Variants in EYA4 observed in about 807,000 individuals in gnomAD.
EYA4 encodes EYA transcriptional coactivator and phosphatase 4, also known as protein phosphatase EYA4.
EYA4 carries 31 observed loss-of-function variants against 87.9 expected under a neutral mutation model. The observed-to-expected ratio is 0.35, with a 90% CI of 0.27 to 0.48. The LOEUF (loss-of-function observed/expected upper bound fraction) is 0.48. Ranked by LOEUF, EYA4 falls within the 20% of genes least tolerant of loss-of-function variation. The pLI is 0.99. For synonymous variants in EYA4, 263 were observed against 270.6 expected (o/e 0.97, Z 0.28); for missense variants, 678 against 761.4 (o/e 0.89, Z 1.29).
At chr6:133,335,107 G>T (rs73559603) in intron 2 of EYA4, among the ~76,000 whole-genome samples, 2,189 of 152,222 alleles carry the variant, frequency 0.014, 55 homozygotes, top group African/African-American at 0.049. Context: ...CCTGGAAGAG[G>T]CCTTTTTGCA....
At chr6:133,431,751 G>C (rs1050222060) in intron 3 of EYA4, among the ~76,000 whole-genome samples, 2 of 152,158 alleles carry the variant, frequency 1.3e-5, no homozygotes, top group Non-Finnish European at 2.9e-5. Flanking sequence ...TTTAGGAACT[G>C]TTGGAGTGCT....
intron 18 of EYA4, among the ~76,000 whole-genome samples, chr6:133,524,501 G>T (rs1197457158): frequency 1.3e-5 from 2 of 152,188 alleles, no homozygotes; most frequent in Non-Finnish European, 2.9e-5. Context: ...GGATACCAGT[G>T]TTGTCAGTAC....
At chr6:133,284,573 C>G (rs561704092) in intron 2 of EYA4, among the ~76,000 whole-genome samples, 1 of 152,302 alleles carries the variant, frequency 6.6e-6, no homozygotes, top group South Asian at 2.1e-4. Context: ...TTCAAGACTT[C>G]TTGCTATCCT....
In EYA4 at chr6:133,462,744, C is replaced by T. The variant is rs765608642; in HGVS notation, c.704C>T (p.Pro235Leu). 5.6e-6 allele frequency: 9 copies of T among 1,613,718 alleles called. No individual in the cohort carries two copies. The highest frequency in any genetic ancestry group is 5.3e-5 in the African/African-American group (4 of 74,868). The part of the protein sequence containing the change: ...GFSTPQPGQT[P>L]YSYQMPGSSF... The stretch of plus-strand genomic sequence containing the variant: ...TCTACCCCACAGCCAGGCCAGACAC[C>T]TTATTCTTACCAAATGCCAGGTAAG... The change falls in exon 9 of 20, where the codon CCT becomes CTT. Residue 235 changes from proline to leucine, a missense_variant. Pro to Leu is a moderately conservative substitution (Grantham distance 98). Coordinates refer to ENST00000355286, the MANE Select transcript of EYA4 (RefSeq NM_004100.5).
chr6:133,243,381 C>CTCA (rs913276842), intron 1 of EYA4, among the ~76,000 whole-genome samples: 6 of 152,148 alleles, frequency 3.9e-5, no homozygotes, highest in African/African-American at 1.4e-4. Context: ...TGTTCCTCTT[C>CTCA]TCATCTGTGG....
At chr6:133,407,973 G>A (rs2128530866) in intron 3 of EYA4, among the ~76,000 whole-genome samples, 2 of 152,234 alleles carry the variant, frequency 1.3e-5, no homozygotes, top group Middle Eastern at 3.4e-3. Context: ...AAGGAAACCT[G>A]ACTTACATTA....
intron 3 of EYA4, 67 bp from the exon 4 acceptor site, chr6:133,446,563 A>AT: frequency 6.3e-7 from 1 of 1,576,256 alleles, no homozygotes; most frequent in South Asian, 1.1e-5. Context: ...ATAGAATAAT[A>AT]TTTGTAATCT....
At chr6:133,288,686 A>G (rs1778259132) in intron 2 of EYA4, among the ~76,000 whole-genome samples, 1 of 152,176 alleles carries the variant, frequency 6.6e-6, no homozygotes, top group African/African-American at 2.4e-5. Flanking sequence ...GAGGAAGGGC[A>G]GAAGGATGAA....
intron 2 of EYA4, among the ~76,000 whole-genome samples, chr6:133,290,935 A>G (rs1052585822): frequency 1.3e-5 from 2 of 152,194 alleles, no homozygotes; most frequent in Non-Finnish European, 2.9e-5. Flanking sequence ...AGTTATTACT[A>G]TATATAAAGA....
intron 10 of EYA4, among the ~76,000 whole-genome samples, chr6:133,465,445 G>A (rs1383970247): frequency 6.6e-6 from 1 of 152,084 alleles, no homozygotes; most frequent in Non-Finnish European, 1.5e-5. Flanking sequence ...CCTGCCTCTG[G>A]TAGTCTTTAG....
intron 13 of EYA4, among the ~76,000 whole-genome samples, chr6:133,494,620 T>C (rs1280546741): frequency 6.6e-6 from 1 of 150,590 alleles, no homozygotes; most frequent in South Asian, 2.1e-4. Flanking sequence ...GGAGAATCAC[T>C]TGAGGCCAGG....
At chr6:133,524,176 T>C (rs747301602) in intron 18 of EYA4, among the ~76,000 whole-genome samples, 4 of 152,212 alleles carry the variant, frequency 2.6e-5, no homozygotes, top group African/African-American at 4.8e-5. Context: ...GCAGGACTAA[T>C]AGAAAGAAGG....
chr6:133,491,683 G>T (rs1797169452), intron 13 of EYA4, among the ~76,000 whole-genome samples: 1 of 152,118 alleles, frequency 6.6e-6, no homozygotes, highest in African/African-American at 2.4e-5. Flanking sequence ...CCGGCGCAGT[G>T]GGTTATGCCT....
At chr6:133,335,495 G>T (rs1475780143) in intron 2 of EYA4, among the ~76,000 whole-genome samples, 1 of 152,190 alleles carries the variant, frequency 6.6e-6, no homozygotes, top group Non-Finnish European at 1.5e-5. Context: ...CATGTTGCTT[G>T]CAATCAAGTT....
chr6:133,445,146 A>G (rs1255006330), intron 3 of EYA4, among the ~76,000 whole-genome samples: 1 of 152,124 alleles, frequency 6.6e-6, no homozygotes, highest in Non-Finnish European at 1.5e-5. Context: ...TACTCCATGT[A>G]CCCTAAACTT....
At position 133,316,293 on chromosome 6, in the gene EYA4, T is replaced by G. The variant is rs184346743; in HGVS notation, c.33+41480T>G. On this transcript the variant is annotated intron_variant, in intron 2 of 19. Transcript: ENST00000355286. ...GAAAAAAAAATAAGCTGCATTTATT[T>G]GTTCCCTAAATTCTTAAATACAATC... Among the ~76,000 whole-genome samples the G allele has an allele frequency of 7.4e-4, 112 of 152,332 alleles. 1 individual carries two copies. The highest frequency in any genetic ancestry group is 2.5e-3 in the African/African-American group (102 of 41,588).
At chr6:133,242,104 G>T (rs1030100092) in intron 1 of EYA4, among the ~76,000 whole-genome samples, 1 of 152,238 alleles carries the variant, frequency 6.6e-6, no homozygotes, top group African/African-American at 2.4e-5. Context: ...GCTTCTACCT[G>T]CACCCCGCCT....
At chr6:133,485,795 C>T (rs910663230) in intron 13 of EYA4, among the ~76,000 whole-genome samples, 25 of 152,136 alleles carry the variant, frequency 1.6e-4, no homozygotes, top group African/African-American at 6.0e-4. Flanking sequence ...TCAGTATCTG[C>T]TGGTGGGGCA....
At chr6:133,406,206 ATC>A (rs1443506612) in intron 3 of EYA4, among the ~76,000 whole-genome samples, 1 of 152,230 alleles carries the variant, frequency 6.6e-6, no homozygotes, top group East Asian at 1.9e-4. Context: ...GGAAAGTAAA[ATC>A]TATTAGATAT....
Sources: gnomAD v4.1 joint callset for allele counts (sites outside exome capture counted in the v4.1 genomes callset) on GRCh38, gnomAD v4.1.1 for gene constraint, MANE v1.5 for transcripts, NCBI Gene and HGNC (gene_info 2026-07-23, HGNC 2026-07-21) for gene names.